GPC5: variants seen among roughly 807,000 people sequenced by gnomAD.
GPC5 encodes the protein glypican-5.
A neutral mutation model predicts 53.9 loss-of-function variants in GPC5; 47 were observed. The ratio of observed to expected loss-of-function variants is 0.87; its 90% CI spans 0.69 to 1.11. The LOEUF (loss-of-function observed/expected upper bound fraction) is 1.11. Ranked by LOEUF, GPC5 falls within the 50% of genes most tolerant of loss-of-function variation. The pLI is 0.00. For synonymous variants in GPC5, 286 were observed against 263.3 expected, an observed-to-expected ratio of 1.09 and a Z score of -0.84; for missense variants, 748 against 713.1, an observed-to-expected ratio of 1.05 and a Z score of -0.56.
intron 7 of GPC5, among the ~76,000 whole-genome samples, chr13:92,815,000 T>C (rs947734225): frequency 6.6e-5 from 10 of 152,136 alleles, no homozygotes; most frequent in African/African-American, 2.4e-4. Flanking sequence ...CAATTTTATA[T>C]GTTAGGAAGC....
At chr13:91,723,034 G>T (rs1428101675) in intron 3 of GPC5, among the ~76,000 whole-genome samples, 7 of 151,944 alleles carry the variant, frequency 4.6e-5, no homozygotes, top group African/African-American at 1.7e-4. Context: ...GTGGTATTAT[G>T]GTTATAACTT....
intron 2 of GPC5, among the ~76,000 whole-genome samples, chr13:91,535,678 T>C (rs1443130398): frequency 6.6e-6 from 1 of 152,010 alleles, no homozygotes; most frequent in Non-Finnish European, 1.5e-5. Context: ...AAAACGAATA[T>C]ACATAAAAAA....
At chr13:92,149,078 G>A (rs1051433535) in intron 7 of GPC5, among the ~76,000 whole-genome samples, 1 of 151,796 alleles carries the variant, frequency 6.6e-6, no homozygotes, top group Non-Finnish European at 1.5e-5. Context: ...GAGGGAAAAT[G>A]CATCTGATCA....
intron 7 of GPC5, among the ~76,000 whole-genome samples, chr13:92,546,984 G>A (rs1882140397): frequency 6.6e-6 from 1 of 152,100 alleles, no homozygotes; most frequent in Admixed American, 6.5e-5. Context: ...GCTGAAACTG[G>A]ATCCCTTCCT....
intron 2 of GPC5, among the ~76,000 whole-genome samples, chr13:91,539,112 T>G (rs1886731602): frequency 6.6e-6 from 1 of 152,232 alleles, no homozygotes. Context: ...CTAAACAGAA[T>G]TTTCACAACT....
intron 6 of GPC5, among the ~76,000 whole-genome samples, chr13:92,017,044 G>A (rs1223772209): frequency 2.0e-5 from 3 of 152,114 alleles, no homozygotes; most frequent in African/African-American, 7.2e-5. Context: ...GCTGGGTGGT[G>A]TTGGGAATCT....
rs1428285645 is a variant in GPC5 at position 91,970,877 on chromosome 13, A to T, written c.1401+62820A>T. On this transcript the variant is annotated intron_variant, in intron 6 of 7. Coordinates refer to ENST00000377067, the MANE Select transcript of GPC5 (RefSeq NM_004466.6). ...GCTGGATTCGGTTTGCCAGTATTTT[A>T]TTCAGGATTTTTGCATCAATGTTCA... 2.0e-5 allele frequency among the ~76,000 whole-genome samples: 3 copies of T among 152,142 alleles called. No homozygotes were observed. The East Asian group carries it at 5.8e-4, about 29-fold the overall frequency.
intron 5 of GPC5, among the ~76,000 whole-genome samples, chr13:91,799,978 T>G (rs1189749768): frequency 6.6e-6 from 1 of 152,144 alleles, no homozygotes; most frequent in Non-Finnish European, 1.5e-5. Flanking sequence ...TTTTCATTAG[T>G]ATTAAAATGA....
At chr13:91,720,635 C>G (rs925209098) in intron 3 of GPC5, among the ~76,000 whole-genome samples, 2 of 152,146 alleles carry the variant, frequency 1.3e-5, no homozygotes, top group Non-Finnish European at 1.5e-5. Flanking sequence ...CTCCCTTGAG[C>G]TTTCAGTTCA....
intron 7 of GPC5, chr13:92,180,942 G>C (rs537122091): frequency 6.5e-6 from 1 of 153,378 alleles, no homozygotes; most frequent in South Asian, 2.0e-4. Flanking sequence ...TGAGAAAAAG[G>C]TGCGTGTAAA....
At chr13:92,376,386 G>T (rs2139300606) in intron 7 of GPC5, among the ~76,000 whole-genome samples, 1 of 152,280 alleles carries the variant, frequency 6.6e-6, no homozygotes, top group Non-Finnish European at 1.5e-5. Flanking sequence ...AGGTAGGAGT[G>T]CATGTAAAGA....
intron 7 of GPC5, among the ~76,000 whole-genome samples, chr13:92,609,941 G>T (rs1679390978): frequency 7.1e-6 from 1 of 140,086 alleles, no homozygotes; most frequent in Admixed American, 8.2e-5. Flanking sequence ...TGAGGCAGGA[G>T]AATAGCTTGA....
chr13:91,936,982 C>T (rs941431514), intron 6 of GPC5, among the ~76,000 whole-genome samples: 1 of 152,052 alleles, frequency 6.6e-6, no homozygotes, highest in Non-Finnish European at 1.5e-5. Context: ...CTCATATGCA[C>T]AGTGGTGGAG....
At chr13:91,651,389 T>C (rs1449135483) in intron 2 of GPC5, among the ~76,000 whole-genome samples, 1 of 152,240 alleles carries the variant, frequency 6.6e-6, no homozygotes, top group Non-Finnish European at 1.5e-5. Context: ...TGATGACTCA[T>C]GTTTAACTCT....
chr13:92,204,408 TA>T (rs1331709062), intron 7 of GPC5, among the ~76,000 whole-genome samples: 1 of 152,168 alleles, frequency 6.6e-6, no homozygotes, highest in Non-Finnish European at 1.5e-5. Context: ...AAATATTGAT[TA>T]ATGTTTGCCA....
At chr13:91,788,471 G>T (rs2037912522) in intron 5 of GPC5, among the ~76,000 whole-genome samples, 1 of 152,064 alleles carries the variant, frequency 6.6e-6, no homozygotes, top group Admixed American at 6.5e-5. Flanking sequence ...AAAAAAATAA[G>T]AAACAGAAAA....
chr13:92,446,620 G>C (rs571816289), intron 7 of GPC5: 26 of 152,144 alleles, frequency 1.7e-4, no homozygotes, highest in African/African-American at 6.0e-4. Flanking sequence ...TCGATATACC[G>C]ATTTCCTTTC....
chr13:92,538,442 T>A (rs913385866), intron 7 of GPC5, among the ~76,000 whole-genome samples: 3 of 151,234 alleles, frequency 2.0e-5, no homozygotes, highest in African/African-American at 7.3e-5. Context: ...TCCCATTTCT[T>A]TTTTCTTTCT....
At chr13:92,778,076 C>A (rs577256490) in intron 7 of GPC5, among the ~76,000 whole-genome samples, 17 of 152,116 alleles carry the variant, frequency 1.1e-4, no homozygotes, top group Non-Finnish European at 2.4e-4. Context: ...ATGAGCAATG[C>A]CTGAAATTCT....
Sources: gnomAD v4.1 joint callset for allele counts (sites outside exome capture counted in the v4.1 genomes callset) on GRCh38, gnomAD v4.1.1 for gene constraint, MANE v1.5 for transcripts, NCBI Gene and HGNC (gene_info 2026-07-23, HGNC 2026-07-21) for gene names.